Variants in RIOK3 observed in about 807,000 individuals in gnomAD.
The protein encoded by RIOK3 is RIO kinase 3.
A neutral mutation model predicts 63.5 loss-of-function variants in RIOK3; 40 were observed. The ratio of observed to expected loss-of-function variants is 0.63; its 90% confidence interval spans 0.49 to 0.82. The LOEUF (loss-of-function observed/expected upper bound fraction) is 0.82, where lower values mean the gene tolerates loss of function less well. RIOK3 is among the 40% of genes least tolerant of loss of function. The pLI, the probability that RIOK3 is intolerant of heterozygous loss-of-function variation, is 0.00. For missense variants in RIOK3, 557 were observed against 637.0 expected (o/e 0.87, Z 1.35); for synonymous variants, 193 against 205.0 (o/e 0.94, Z 0.50).
chr18:23,474,972 T>A lies in RIOK3; in HGVS notation c.1038T>A (p.Cys346Ter), dbSNP rs896587757. 1.9e-6 allele frequency: 3 copies of A among 1,611,578 alleles called. No homozygotes were observed. The highest frequency in any genetic ancestry group is 2.5e-6 in the Non-Finnish European group (3 of 1,177,820). ...GAATGCAGAGAGCTGGAATTCCTTG[T>A]CCAACAGTTGTACTACTGAAGAAAC... ...LARMQRAGIP[C>*]PTVVLLKKHI... Residue 346 changes from cysteine (C) to a stop codon, truncating the protein, a stop_gained, in exon 9 of 13, where the codon TGT (cysteine) becomes TGA (stop). Transcript: ENST00000339486. LOFTEE classifies it high-confidence loss of function.
intron 1 of RIOK3, among the ~76,000 whole-genome samples, chr18:23,456,188 G>A (rs1054298193): frequency 1.4e-4 from 21 of 151,410 alleles, no homozygotes; most frequent in African/African-American, 4.6e-4. Flanking sequence ...ACCCCCTTCC[G>A]CCCTGGCCTC....
intron 2 of RIOK3, among the ~76,000 whole-genome samples, chr18:23,463,651 C>T (rs995262978): frequency 3.3e-5 from 5 of 152,088 alleles, no homozygotes; most frequent in South Asian, 2.1e-4. Flanking sequence ...TCAGATGATC[C>T]GCCAGCCTCA....
At chr18:23,475,448 GT>G (rs1363547998) in intron 9 of RIOK3, among the ~76,000 whole-genome samples, 1 of 129,798 alleles carries the variant, frequency 7.7e-6, no homozygotes, top group Non-Finnish European at 1.5e-5. Context: ...GGGTGACAGA[GT>G]AAGACTCTGT....
Position 23,473,421 on chromosome 18 carries a change from C to T in RIOK3, c.816-8C>T. Reference sequence around the variant, plus strand: ...TTGTACTGACTTGATTTTTTTTCTTCCACTTAGCATGGAGGATGAAAAGGA... The same window carrying T: ...TTGTACTGACTTGATTTTTTTTCTTTCACTTAGCATGGAGGATGAAAAGGA... On this transcript the variant is annotated splice_region_variant and splice_polypyrimidine_tract_variant and intron_variant, in intron 7 of 12. Coordinates refer to ENST00000339486, the MANE Select transcript of RIOK3 (RefSeq NM_003831.5). The T allele has an allele frequency of 1.3e-6, 2 of 1,568,622 alleles. No homozygotes were observed. The highest frequency in any genetic ancestry group is 1.2e-5 in the South Asian group (1 of 84,970).
At chr18:23,464,413 A>G (rs1432714397) in intron 4 of RIOK3, 100 bp downstream of exon 4, 2 of 1,138,714 alleles carry the variant, frequency 1.8e-6, no homozygotes, top group East Asian at 2.4e-5. Context: ...TTTGAATCTC[A>G]TTTGGTAATT....
At chr18:23,467,787 A>T (rs941771146) in intron 7 of RIOK3, among the ~76,000 whole-genome samples, 23 of 142,572 alleles carry the variant, frequency 1.6e-4, no homozygotes, top group Admixed American at 3.0e-4. Context: ...TATTATTATT[A>T]TTTTTTGAGA....
Position 23,462,969 on chromosome 18 carries a change from A to C in RIOK3, c.69A>C (p.Pro23=). ...TAAAWGPSKC[P]WAIPQNTISC... is the part of the protein sequence containing the mutation. ...TCTTTTTTCTTTTTTCATAGTGTCCATGGGCTATTCCTCAAAATACAATAT... is the reference window on the plus strand; with the variant it reads ...TCTTTTTTCTTTTTTCATAGTGTCCCTGGGCTATTCCTCAAAATACAATAT... Residue 23 remains proline, a synonymous_variant, in exon 2 of 13, where the codon CCA becomes CCC. Transcript: ENST00000339486. 6.5e-7 allele frequency: 1 copy of C among 1,549,112 alleles called. No homozygotes were observed. The highest frequency in any genetic ancestry group is 1.2e-5 in the South Asian group (1 of 83,108).
intron 1 of RIOK3, among the ~76,000 whole-genome samples, chr18:23,455,261 G>C (rs1251185139): frequency 6.6e-6 from 1 of 151,672 alleles, no homozygotes; most frequent in African/African-American, 2.4e-5. Context: ...TTTTTGTAGA[G>C]ATGGGATTTC....
At chr18:23,477,940 C>T (rs143399423) in intron 11 of RIOK3, among the ~76,000 whole-genome samples, 95 of 151,556 alleles carry the variant, frequency 6.3e-4, no homozygotes, top group African/African-American at 1.7e-3. Context: ...GGTGCGGTAG[C>T]GTGTGCCTGT....
chr18:23,476,794 C>G (rs1162399513), intron 9 of RIOK3, among the ~76,000 whole-genome samples: 1 of 152,028 alleles, frequency 6.6e-6, no homozygotes, highest in African/African-American at 2.4e-5. Flanking sequence ...TGCCTGTAGT[C>G]CGAGCTACTT....
At position 23,479,398 on chromosome 18, in the gene RIOK3, G is replaced by T. The variant is rs754350265; in HGVS notation, c.1426G>T (p.Asp476Tyr). 1.2e-6 allele frequency: 2 copies of T among 1,613,376 alleles called. No homozygotes were observed. Among genetic ancestry groups the T allele is most frequent in the Non-Finnish European group, 8.5e-7 (1 of 1,179,388 alleles). Residue 476 changes from aspartate (D) to tyrosine (Y), a missense_variant, in exon 12 of 13, where the codon GAT (aspartate) becomes TAT (tyrosine). Physicochemically the swap from Asp to Tyr is radical, Grantham distance 160. Coordinates refer to ENST00000339486, the MANE Select transcript of RIOK3 (RefSeq NM_003831.5). The part of the protein sequence containing the change: ...NAVSGLNITA[D>Y]NEADFLAEIE... ...TGTTTCAGGCTTAAACATCACAGCA[G>T]ATAATGAAGCTGATTTTTTAGCTGA...
chr18:23,471,522 T>G (rs1481692881), intron 7 of RIOK3, among the ~76,000 whole-genome samples: 1 of 152,212 alleles, frequency 6.6e-6, no homozygotes, highest in African/African-American at 2.4e-5. Flanking sequence ...GAGTTGATTC[T>G]TATTTTCAAA....
At chr18:23,465,823 C>A (rs922792723) in intron 5 of RIOK3, among the ~76,000 whole-genome samples, 3 of 152,182 alleles carry the variant, frequency 2.0e-5, no homozygotes, top group Non-Finnish European at 4.4e-5. Flanking sequence ...GTAGCCTTCA[C>A]AGTTCAATAT....
chr18:23,467,130 A>G (rs890029367), intron 6 of RIOK3, among the ~76,000 whole-genome samples: 3 of 152,154 alleles, frequency 2.0e-5, no homozygotes, highest in African/African-American at 7.2e-5. Context: ...CCTGGCCAAC[A>G]TAGTGAAACC....
chr18:23,479,052 C>T (rs928759903), intron 11 of RIOK3: 2 of 328,076 alleles, frequency 6.1e-6, no homozygotes, highest in Non-Finnish European at 1.2e-5. Flanking sequence ...GAGATCCTCC[C>T]TCCTTGGCCT....
chr18:23,460,704 A>C (rs1197982717), intron 1 of RIOK3, among the ~76,000 whole-genome samples: 1 of 152,200 alleles, frequency 6.6e-6, no homozygotes, highest in African/African-American at 2.4e-5. Context: ...AACTGATCAG[A>C]TGAAACATTT....
At chr18:23,459,058 T>G (rs575418753) in intron 1 of RIOK3, among the ~76,000 whole-genome samples, 1 of 152,306 alleles carries the variant, frequency 6.6e-6, no homozygotes, top group South Asian at 2.1e-4. Context: ...GGTGCTTTGG[T>G]GCTGTTTGAG....
In RIOK3 at chr18:23,481,173, T is replaced by A; in HGVS notation, c.1454T>A (p.Ile485Lys). ...ADNEADFLAE[I>K]EALEKMNEDH... ...GGATTCAATGTATTATTTTTGTAGA[T>A]AGAAGCTTTGGAGAAAATGAATGAA... The change falls in exon 13 of 13, where the codon ATA (isoleucine) becomes AAA (lysine). Residue 485 changes from isoleucine (I) to lysine (K), a missense_variant and splice_region_variant. By Grantham distance (102) the Ile-to-Lys change is moderately radical. Coordinates refer to ENST00000339486, the MANE Select transcript of RIOK3 (RefSeq NM_003831.5). The A allele has an allele frequency of 6.3e-7, 1 of 1,595,508 alleles. No individual in the cohort carries two copies. Among genetic ancestry groups the A allele is most frequent in the Non-Finnish European group, 8.6e-7 (1 of 1,163,578 alleles).
rs971209969 is a variant in RIOK3 at position 23,483,078 on chromosome 18, C to T, written c.*1799C>T. On this transcript the variant is annotated 3_prime_UTR_variant, in exon 13 of 13. Coordinates refer to ENST00000339486, the MANE Select transcript of RIOK3 (RefSeq NM_003831.5). ...AGAGCAGCAAACCACTGCTGTGTGG[C>T]ATTCTTGGAGTGTGCTGTGAATGTG... 63 of 152,256 alleles carry T rather than the reference C, an allele frequency of 4.1e-4. No homozygotes were observed. Among genetic ancestry groups the T allele is most frequent in the Admixed American group, 2.5e-3 (38 of 15,286 alleles). 9.4% of individuals were successfully genotyped at this position (152,256 alleles called of 1,614,324 possible). A position where few individuals can be genotyped will look rare whatever the true frequency, so the allele number is the denominator to read the frequency against.
Sources: gnomAD v4.1 joint callset for allele counts (sites outside exome capture counted in the v4.1 genomes callset) on GRCh38, gnomAD v4.1.1 for gene constraint, MANE v1.5 for transcripts, NCBI Gene and HGNC (gene_info 2026-07-23, HGNC 2026-07-21) for gene names.